STRBP: variants seen among roughly 807,000 people sequenced by gnomAD.
STRBP encodes spermatid perinuclear RNA-binding protein.
STRBP carries 13 observed loss-of-function variants against 80.1 expected under a neutral mutation model. The ratio of observed to expected loss-of-function variants is 0.16; its 90% CI spans 0.11 to 0.26. STRBP has a LOEUF of 0.26. STRBP is among the 10% of genes least tolerant of loss of function. STRBP has a pLI of 1.00. For synonymous variants in STRBP, 284 were observed against 291.2 expected, an observed-to-expected ratio of 0.98 and a Z score of 0.25; for missense variants, 485 against 815.2, an observed-to-expected ratio of 0.59 and a Z score of 4.93.
intron 17 of STRBP, among the ~76,000 whole-genome samples, chr9:123,130,338 C>T (rs1038627095): frequency 3.9e-5 from 6 of 152,056 alleles, no homozygotes; most frequent in African/African-American, 1.2e-4. Flanking sequence ...AATCTTGTCT[C>T]GGCCATAAAA....
chr9:123,238,296 C>G (rs2040613705), intron 1 of STRBP, among the ~76,000 whole-genome samples: 1 of 152,188 alleles, frequency 6.6e-6, no homozygotes, highest in South Asian at 2.1e-4. Flanking sequence ...AAAATACAAT[C>G]AAAGAATACA....
At chr9:123,113,718 G>C (rs907675837) in intron 3 of STRBP, 96 of 167,190 alleles carry the variant, frequency 5.7e-4, no homozygotes, top group African/African-American at 2.2e-3. Context: ...TTCCAGTCAT[G>C]ATTAAGCCAA....
In STRBP at chr9:123,125,603, G is replaced by C; in HGVS notation, c.2013C>G (p.Phe671Leu). Residue 671 changes from phenylalanine (F) to leucine (L), a missense_variant, in exon 19 of 19, where the codon TTC becomes TTG. Phe to Leu is a conservative substitution (Grantham distance 22). Coordinates refer to ENST00000348403, the MANE Select transcript of STRBP (RefSeq NM_018387.5). ...FPTYPVPHYS[F>L]F is the part of the protein sequence containing the mutation. ...AATTAGCTTCTGTCATTTGCTAAAA[G>C]AATGAGTAGTGGGGAACAGGATATG... 1 of 1,612,796 alleles carries C rather than the reference G, an allele frequency of 6.2e-7. No homozygotes were observed. Among genetic ancestry groups the C allele is most frequent in the African/African-American group, 1.3e-5 (1 of 74,992 alleles).
intron 1 of STRBP, among the ~76,000 whole-genome samples, chr9:123,240,441 A>G (rs1310509990): frequency 6.6e-6 from 1 of 152,214 alleles, no homozygotes; most frequent in African/African-American, 2.4e-5. Flanking sequence ...TTTTACTAGC[A>G]TTTCACTAAA....
chr9:123,240,192 C>T (rs1391843286), intron 1 of STRBP, among the ~76,000 whole-genome samples: 1 of 152,164 alleles, frequency 6.6e-6, no homozygotes, highest in East Asian at 1.9e-4. Flanking sequence ...AAAGCAAGGT[C>T]TATATTTAAC....
chr9:123,137,295 A>G (rs1032701145), intron 14 of STRBP, among the ~76,000 whole-genome samples: 3 of 152,244 alleles, frequency 2.0e-5, no homozygotes, highest in Non-Finnish European at 4.4e-5. Flanking sequence ...AGAAAGGAGA[A>G]ACCAAAAGAT....
At chr9:123,226,796 G>A (rs2040250667) in intron 2 of STRBP, among the ~76,000 whole-genome samples, 1 of 152,072 alleles carries the variant, frequency 6.6e-6, no homozygotes, top group South Asian at 2.1e-4. Flanking sequence ...GAAGAGCAAT[G>A]TATCACTGTC....
chr9:123,220,516 C>A (rs930171991), intron 2 of STRBP, among the ~76,000 whole-genome samples: 3 of 152,156 alleles, frequency 2.0e-5, no homozygotes, highest in African/African-American at 7.2e-5. Flanking sequence ...CTTCATTGTG[C>A]GGTGAATGAC....
intron 11 of STRBP, among the ~76,000 whole-genome samples, chr9:123,150,439 T>C (rs2037004132): frequency 6.6e-6 from 1 of 152,128 alleles, no homozygotes; most frequent in Non-Finnish European, 1.5e-5. Flanking sequence ...CGGTGCCACA[T>C]GCCTGTAGTC....
At chr9:123,195,041 T>C (rs1022470801) in intron 2 of STRBP, among the ~76,000 whole-genome samples, 10 of 152,110 alleles carry the variant, frequency 6.6e-5, no homozygotes, top group Admixed American at 2.0e-4. Flanking sequence ...GGACCTGAGT[T>C]CCAAATTCAC....
chr9:123,184,502 C>CT (rs1283024446), intron 2 of STRBP, among the ~76,000 whole-genome samples: 1 of 152,200 alleles, frequency 6.6e-6, no homozygotes, highest in Non-Finnish European at 1.5e-5. Context: ...AGTAAGCCTC[C>CT]TGTAGCTACA....
intron 11 of STRBP, among the ~76,000 whole-genome samples, chr9:123,153,076 G>C (rs1256410196): frequency 6.6e-6 from 1 of 152,094 alleles, no homozygotes; most frequent in Non-Finnish European, 1.5e-5. Flanking sequence ...AACAGATAGA[G>C]GGGCAAGAAC....
At chr9:123,138,427 A>G (rs1333614991) in intron 14 of STRBP, among the ~76,000 whole-genome samples, 1 of 152,124 alleles carries the variant, frequency 6.6e-6, no homozygotes, top group African/African-American at 2.4e-5. Context: ...AGCCCCATCA[A>G]TCCTGTCCAC....
intron 2 of STRBP, among the ~76,000 whole-genome samples, chr9:123,189,709 G>A (rs925212893): frequency 6.6e-6 from 1 of 151,724 alleles, no homozygotes; most frequent in African/African-American, 2.4e-5. Context: ...GGGGTGGGGG[G>A]CTGGGGGAGG....
At chr9:123,260,006 C>T (rs2041126186) in intron 1 of STRBP, among the ~76,000 whole-genome samples, 1 of 152,108 alleles carries the variant, frequency 6.6e-6, no homozygotes, top group Non-Finnish European at 1.5e-5. Context: ...CCGGAGAGAA[C>T]ATGAGAACTA....
chr9:123,182,371 A>G (rs1326263040), intron 3 of STRBP, among the ~76,000 whole-genome samples: 8 of 152,130 alleles, frequency 5.3e-5, no homozygotes, highest in Admixed American at 5.2e-4. Flanking sequence ...ATAAAAACAC[A>G]AAATTTATAC....
intron 2 of STRBP, among the ~76,000 whole-genome samples, chr9:123,222,224 A>C (rs1448402026): frequency 6.6e-6 from 1 of 150,586 alleles, no homozygotes; most frequent in African/African-American, 2.5e-5. Context: ...GTAATGTTCA[A>C]GTTGTCTCAA....
At chr9:123,253,732 T>G (rs930895794) in intron 1 of STRBP, among the ~76,000 whole-genome samples, 1 of 152,252 alleles carries the variant, frequency 6.6e-6, no homozygotes, top group East Asian at 1.9e-4. Flanking sequence ...TTGCTGCTGT[T>G]TGTAATATCA....
intron 2 of STRBP, among the ~76,000 whole-genome samples, chr9:123,186,258 T>C (rs1257163949): frequency 6.6e-6 from 1 of 152,044 alleles, no homozygotes; most frequent in African/African-American, 2.4e-5. Flanking sequence ...TGAGGTGGAA[T>C]GATCACTTGA....
Sources: allele counts gnomAD v4.1 joint callset (sites outside exome capture counted in the v4.1 genomes callset), GRCh38; gene constraint gnomAD v4.1.1; transcripts MANE v1.5; gene names NCBI Gene and HGNC (gene_info 2026-07-23, HGNC 2026-07-21).